Variants in PTGR2 observed in about 807,000 individuals in gnomAD.
PTGR2 encodes the protein 15-oxoprostaglandin 13-reductase.
In PTGR2, 32 loss-of-function variants were observed where a neutral mutation model predicts 43.4. The ratio of observed to expected loss-of-function variants is 0.74; its 90% CI spans 0.56 to 0.99. The LOEUF is 0.99. PTGR2 is among the 50% of genes least tolerant of loss of function. The probability of loss-of-function intolerance (pLI) is 0.00; values close to 1 mark genes in which losing one functional copy is unlikely to be tolerated. For synonymous variants in PTGR2, 106 were observed against 139.2 expected (o/e 0.76, Z 1.68); for missense variants, 373 against 420.0 (o/e 0.89, Z 0.98).
intron 7 of PTGR2, among the ~76,000 whole-genome samples, chr14:73,880,643 A>G (rs1001183554): frequency 2.0e-5 from 3 of 152,054 alleles, no homozygotes; most frequent in Admixed American, 6.6e-5. Flanking sequence ...AGCTGGTTCA[A>G]TATTTAGGTT....
intron 4 of PTGR2, 35 bp from the exon 5 acceptor site, chr14:73,876,963 C>T: frequency 6.6e-7 from 1 of 1,524,784 alleles, no homozygotes; most frequent in Non-Finnish European, 9.0e-7. Context: ...AACAGGAATT[C>T]CTAGTATTTT....
intron 1 of PTGR2, 168 bp from the exon 2 acceptor site, chr14:73,858,648 C>T (rs902968082): frequency 2.5e-6 from 1 of 400,774 alleles, no homozygotes; most frequent in South Asian, 3.8e-5. Flanking sequence ...TTTAGTCTTT[C>T]TTCATATATT....
In PTGR2 at chr14:73,877,100, A is replaced by C. The variant is rs764139076; in HGVS notation, c.451A>C (p.Thr151Pro). 1.2e-6 allele frequency: 2 copies of C among 1,614,000 alleles called. No homozygotes were observed. Among genetic ancestry groups the C allele is most frequent in the Non-Finnish European group, 1.7e-6 (2 of 1,179,972 alleles). The change falls in exon 5 of 10, where the codon ACT becomes CCT. Residue 151 changes from threonine (T) to proline (P), a missense_variant. Transcript: ENST00000555661. The part of the protein sequence containing the change: ...LIGIQEKGHI[T>P]AGSNKTMVVS... ...TGGGATACAGGAAAAAGGTCATATA[A>C]CTGCTGGATCTAATAAGACAATGGT... is the stretch of plus-strand genomic sequence containing the variant.
At chr14:73,868,889 C>T (rs1234983979) in intron 3 of PTGR2, among the ~76,000 whole-genome samples, 1 of 152,052 alleles carries the variant, frequency 6.6e-6, no homozygotes, top group Non-Finnish European at 1.5e-5. Flanking sequence ...CATATTGTGC[C>T]CTCCCCTCTC....
chr14:73,876,470 A>G (rs1040317573), intron 4 of PTGR2, among the ~76,000 whole-genome samples: 17 of 137,562 alleles, frequency 1.2e-4, no homozygotes, highest in African/African-American at 4.6e-4. Context: ...TTCTTCTTCT[A>G]AGGACATAAG....
At chr14:73,865,142 G>C (rs193246716) in intron 3 of PTGR2, among the ~76,000 whole-genome samples, 71 of 152,276 alleles carry the variant, frequency 4.7e-4, no homozygotes, top group Admixed American at 2.5e-3. Context: ...GAGTTCCCAT[G>C]ATAGGCTGTC....
In PTGR2 at chr14:73,879,146, T is replaced by TGA. The variant is rs1219307273; in HGVS notation, c.573_574dup (p.Lys192ArgfsTer6). 6.2e-7 allele frequency: 1 copy of TGA among 1,614,142 alleles called. No homozygotes were observed. Among genetic ancestry groups the TGA allele is most frequent in the Admixed American group, 1.7e-5 (1 of 60,010 alleles). ...GAGTGGTGGGAATTTGTGGAACACA[T>TGA]GAGAAATGCATCCTCTTGACCTCAG... is the stretch of plus-strand genomic sequence containing the variant. On this transcript the variant is annotated frameshift_variant, in exon 6 of 10. Coordinates refer to ENST00000555661, the MANE Select transcript of PTGR2 (RefSeq NM_001146154.2).
In PTGR2 at chr14:73,876,991, A is replaced by G; in HGVS notation, c.349-7A>G. 2 of 1,607,240 alleles carry G rather than the reference A, an allele frequency of 1.2e-6. No individual in the cohort carries two copies. The highest frequency in any genetic ancestry group is 1.1e-5 in the South Asian group (1 of 90,794). On this transcript the variant is annotated splice_region_variant and splice_polypyrimidine_tract_variant and intron_variant, in intron 4 of 9. Transcript: ENST00000555661. ...AGTATTTTTAAAGGGTATATATTTT[A>G]TTTTAGGTAGACCCACAACTTGTGG... is the stretch of plus-strand genomic sequence containing the variant.
intron 1 of PTGR2, among the ~76,000 whole-genome samples, chr14:73,853,728 C>T (rs1044596176): frequency 3.9e-5 from 6 of 152,150 alleles, no homozygotes; most frequent in Non-Finnish European, 8.8e-5. Flanking sequence ...TGAGTCTGTG[C>T]TCAGTTCCTG....
intron 7 of PTGR2, 85 bp from the exon 8 acceptor site, chr14:73,881,118 CAG>C: frequency 1.3e-6 from 1 of 789,666 alleles, no homozygotes; most frequent in Non-Finnish European, 2.2e-6. Flanking sequence ...TAAGGATTAA[CAG>C]ATATTAGAAT....
At chr14:73,859,079 A>G (rs1031297810) in intron 2 of PTGR2, among the ~76,000 whole-genome samples, 180 bp downstream of exon 2, 2 of 152,162 alleles carry the variant, frequency 1.3e-5, no homozygotes, top group African/African-American at 4.8e-5. Flanking sequence ...GCTTATCAAG[A>G]CCATTTTTAA....
At chr14:73,864,204 G>A (rs754975043) in intron 3 of PTGR2, among the ~76,000 whole-genome samples, 1 of 152,184 alleles carries the variant, frequency 6.6e-6, no homozygotes, top group African/African-American at 2.4e-5. Flanking sequence ...TGATGGACAT[G>A]TGGGTTGTTT....
rs148640650 is a variant in PTGR2 at position 73,876,137 on chromosome 14, A to G, written c.349-861A>G. On this transcript the variant is annotated intron_variant, in intron 4 of 9. Transcript: ENST00000555661. Reference sequence around the variant, plus strand: ...CCCGGCCTTAAAGTTTCTTTAATATAAAGAGAAGTAATATTGTTTTTTACT... The same window carrying G: ...CCCGGCCTTAAAGTTTCTTTAATATGAAGAGAAGTAATATTGTTTTTTACT... Among the ~76,000 whole-genome samples, 379 of 152,230 alleles carry G rather than the reference A, an allele frequency of 2.5e-3. 2 individuals are homozygous for G. The highest frequency in any genetic ancestry group is 8.7e-3 in the African/African-American group (361 of 41,554).
chr14:73,864,211 G>A (rs1430497905), intron 3 of PTGR2, among the ~76,000 whole-genome samples: 1 of 152,154 alleles, frequency 6.6e-6, no homozygotes, highest in African/African-American at 2.4e-5. Context: ...CATGTGGGTT[G>A]TTTACACAAC....
At chr14:73,858,181 T>C (rs1399818959) in intron 1 of PTGR2, 1 of 152,198 alleles carries the variant, frequency 6.6e-6, no homozygotes, top group Non-Finnish European at 1.5e-5. Flanking sequence ...TTGTTTTCTT[T>C]TAATCGAGCC....
At chr14:73,871,759 C>T (rs114437610) in intron 3 of PTGR2, among the ~76,000 whole-genome samples, 250 of 152,168 alleles carry the variant, frequency 1.6e-3, no homozygotes, top group African/African-American at 5.8e-3. Flanking sequence ...AAATACCCCT[C>T]CACATCTGTT....
rs58234739 is a variant in PTGR2 at position 73,883,188 on chromosome 14, CTTTTTTTTTTTTTTTTTTT to C, written c.979+764_979+782del. Among the ~76,000 whole-genome samples the C allele has an allele frequency of 1.7e-4, 10 of 58,152 alleles. No homozygotes were observed. In the East Asian group the frequency reaches 5.3e-3, roughly 31 times the overall value. The allele number at this position is 58,152 out of a possible 152,430, so 38.1% of individuals were successfully genotyped here. ...CCTGCCCTTCCCTCCCCTCACCTCC[CTTTTTTTTTTTTTTTTTTT>C]TTTTTTTTTTTTTAAAGAGATGATC... On this transcript the variant is annotated intron_variant, in intron 9 of 9. Transcript: ENST00000555661.
intron 3 of PTGR2, among the ~76,000 whole-genome samples, chr14:73,869,303 G>A (rs1954272658): frequency 6.6e-6 from 1 of 152,116 alleles, no homozygotes; most frequent in East Asian, 1.9e-4. Flanking sequence ...GGAGGCTGAG[G>A]CAGGAGGATC....
chr14:73,868,275 C>G (rs962267216), intron 3 of PTGR2, among the ~76,000 whole-genome samples: 1 of 151,596 alleles, frequency 6.6e-6, no homozygotes, highest in Non-Finnish European at 1.5e-5. Flanking sequence ...GGCAACAGAG[C>G]AAGACTCTGT....
Sources: allele counts gnomAD v4.1 joint callset (sites outside exome capture counted in the v4.1 genomes callset), GRCh38; gene constraint gnomAD v4.1.1; transcripts MANE v1.5; gene names NCBI Gene and HGNC (gene_info 2026-07-23, HGNC 2026-07-21).